The following KCNJ3 variants were observed in gnomAD, a reference collection of about 807,000 sequenced individuals.
KCNJ3 encodes the protein potassium inwardly rectifying channel subfamily J member 3.
Under a neutral mutation model 39.2 loss-of-function variants are expected in KCNJ3, and 4 were observed. That is an observed-to-expected ratio of 0.10 (90% CI 0.05 to 0.23). KCNJ3 has a LOEUF of 0.23. Among genes scored for constraint, KCNJ3 ranks in the 10% least tolerant of loss-of-function variants. The probability of loss-of-function intolerance (pLI) is 1.00; values close to 1 mark genes in which losing one functional copy is unlikely to be tolerated. For synonymous variants in KCNJ3, 230 were observed against 237.4 expected (o/e 0.97, Z 0.29); for missense variants, 276 against 634.9 (o/e 0.43, Z 6.08).
At chr2:154,840,610 G>A (rs890669800) in intron 2 of KCNJ3, among the ~76,000 whole-genome samples, 4 of 152,006 alleles carry the variant, frequency 2.6e-5, no homozygotes, top group Non-Finnish European at 4.4e-5. Flanking sequence ...CTTTTAGTTC[G>A]TTGAGCAGTG....
intron 2 of KCNJ3, among the ~76,000 whole-genome samples, chr2:154,776,141 A>G (rs1266203484): frequency 6.6e-6 from 1 of 151,956 alleles, no homozygotes; most frequent in Non-Finnish European, 1.5e-5. Context: ...AGCTGGGACT[A>G]CAGGCACACA....
intron 2 of KCNJ3, among the ~76,000 whole-genome samples, chr2:154,839,175 C>T (rs1340568101): frequency 2.6e-5 from 4 of 152,136 alleles, no homozygotes; most frequent in Admixed American, 1.3e-4. Flanking sequence ...CAGTTTCCAC[C>T]TATGAGTGAG....
At chr2:154,766,069 T>C (rs999815440) in intron 2 of KCNJ3, among the ~76,000 whole-genome samples, 1 of 152,226 alleles carries the variant, frequency 6.6e-6, no homozygotes, top group African/African-American at 2.4e-5. Context: ...GTTTTTAAAA[T>C]GACTATCAGG....
intron 2 of KCNJ3, among the ~76,000 whole-genome samples, chr2:154,730,779 C>G (rs577681106): frequency 6.6e-6 from 1 of 151,890 alleles, no homozygotes; most frequent in African/African-American, 2.4e-5. Flanking sequence ...TTAACATATT[C>G]TAGTTTGAAT....
At chr2:154,700,478 T>G (rs1684869780) in intron 1 of KCNJ3, among the ~76,000 whole-genome samples, 1 of 152,194 alleles carries the variant, frequency 6.6e-6, no homozygotes, top group South Asian at 2.1e-4. Context: ...GGGATTTGTC[T>G]TAGTAGTTTT....
chr2:154,750,381 T>G (rs1379701453), intron 2 of KCNJ3, among the ~76,000 whole-genome samples: 12 of 151,994 alleles, frequency 7.9e-5, no homozygotes, highest in Admixed American at 7.9e-4. Context: ...GAAGAAATTT[T>G]AGACACAACT....
chr2:154,828,667 G>C (rs985966088), intron 2 of KCNJ3, among the ~76,000 whole-genome samples: 1 of 152,170 alleles, frequency 6.6e-6, no homozygotes, highest in Admixed American at 6.6e-5. Flanking sequence ...CATCTCCTCA[G>C]TTCCCAAACT....
At chr2:154,768,088 C>G (rs1357064778) in intron 2 of KCNJ3, among the ~76,000 whole-genome samples, 2 of 151,950 alleles carry the variant, frequency 1.3e-5, no homozygotes, top group Non-Finnish European at 2.9e-5. Context: ...GGATATTAGC[C>G]CTTTGTCAGG....
At chr2:154,775,567 T>G (rs1686318796) in intron 2 of KCNJ3, among the ~76,000 whole-genome samples, 1 of 152,190 alleles carries the variant, frequency 6.6e-6, no homozygotes, top group Admixed American at 6.5e-5. Flanking sequence ...AGATTGAGCT[T>G]ACAAAGCATT....
At chr2:154,797,973 C>A (rs1686749672) in intron 2 of KCNJ3, among the ~76,000 whole-genome samples, 1 of 152,030 alleles carries the variant, frequency 6.6e-6, no homozygotes, top group Non-Finnish European at 1.5e-5. Flanking sequence ...AAATTTTATA[C>A]TTATTGAACA....
At chr2:154,722,216 A>G (rs995079823) in intron 2 of KCNJ3, among the ~76,000 whole-genome samples, 14 of 152,090 alleles carry the variant, frequency 9.2e-5, no homozygotes, top group African/African-American at 3.4e-4. Flanking sequence ...CAAACTACGT[A>G]TCAAGCACTG....
chr2:154,795,426 GT>G (rs1323815031), intron 2 of KCNJ3, among the ~76,000 whole-genome samples: 1 of 151,798 alleles, frequency 6.6e-6, no homozygotes, highest in Non-Finnish European at 1.5e-5. Context: ...AATCTATGAT[GT>G]TTACTGACCC....
chr2:154,794,333 T>C (rs2105212373), intron 2 of KCNJ3, among the ~76,000 whole-genome samples: 1 of 152,080 alleles, frequency 6.6e-6, no homozygotes, highest in East Asian at 1.9e-4. Flanking sequence ...TTTAAAAATA[T>C]CTGCCAATGA....
chr2:154,855,615 G>GA lies in KCNJ3; in HGVS notation c.*302_*303insA. 9.5e-6 allele frequency: 1 copy of GA among 105,760 alleles called. No individual in the cohort carries two copies. Among genetic ancestry groups the GA allele is most frequent in the Non-Finnish European group, 2.2e-5 (1 of 46,372 alleles). The allele number at this position is 105,760 out of a possible 1,614,324, so 6.6% of individuals were successfully genotyped here. On this transcript the variant is annotated 3_prime_UTR_variant, in exon 3 of 3. Coordinates refer to ENST00000295101, the MANE Select transcript of KCNJ3 (RefSeq NM_002239.4). Reference sequence around the variant, plus strand: ...ATGGCATATTTATATTGTATATTCTGGAAAAAAAATATATATATATATTTA... The same window carrying GA: ...ATGGCATATTTATATTGTATATTCTGAGAAAAAAAATATATATATATATTTA...
chr2:154,820,947 G>A (rs971404129), intron 2 of KCNJ3, among the ~76,000 whole-genome samples: 3 of 152,120 alleles, frequency 2.0e-5, no homozygotes, highest in African/African-American at 7.2e-5. Flanking sequence ...TGAAACAAGA[G>A]ATTTTATTTT....
chr2:154,846,674 G>A (rs572361457), intron 2 of KCNJ3, among the ~76,000 whole-genome samples: 2 of 152,182 alleles, frequency 1.3e-5, no homozygotes, highest in African/African-American at 2.4e-5. Flanking sequence ...ATATGATTGT[G>A]AATTTCCTGT....
intron 2 of KCNJ3, among the ~76,000 whole-genome samples, chr2:154,733,842 C>T (rs1384017919): frequency 2.0e-5 from 3 of 151,922 alleles, no homozygotes; most frequent in Non-Finnish European, 4.4e-5. Flanking sequence ...CATTCTTATC[C>T]CATAGAAGAT....
intron 2 of KCNJ3, among the ~76,000 whole-genome samples, chr2:154,710,415 A>G (rs1685082896): frequency 6.6e-6 from 1 of 152,140 alleles, no homozygotes; most frequent in African/African-American, 2.4e-5. Flanking sequence ...CTGTATAGCT[A>G]TGTGCTATAT....
intron 2 of KCNJ3, among the ~76,000 whole-genome samples, chr2:154,728,954 G>A (rs772703048): frequency 7.9e-5 from 12 of 151,812 alleles, no homozygotes; most frequent in Admixed American, 2.6e-4. Context: ...TAGTACTCTG[G>A]GACATCCAGT....
Sources: gnomAD v4.1 joint callset for allele counts (sites outside exome capture counted in the v4.1 genomes callset) on GRCh38, gnomAD v4.1.1 for gene constraint, MANE v1.5 for transcripts, NCBI Gene and HGNC (gene_info 2026-07-23, HGNC 2026-07-21) for gene names.